ATXN1: variants seen among roughly 807,000 people sequenced by gnomAD.
The protein encoded by ATXN1 is ataxin-1.
Under a neutral mutation model 56.4 loss-of-function variants are expected in ATXN1, and 8 were observed. The observed-to-expected ratio is 0.14, with a 90% CI of 0.08 to 0.26. ATXN1 has a LOEUF of 0.26. Among genes scored for constraint, ATXN1 ranks in the 10% least tolerant of loss-of-function variants. The pLI, the probability that ATXN1 is intolerant of heterozygous loss-of-function variation, is 1.00. For missense variants in ATXN1, 987 were observed against 1,106.5 expected, an observed-to-expected ratio of 0.89 and a Z score of 1.53; for synonymous variants, 514 against 494.6, an observed-to-expected ratio of 1.04 and a Z score of -0.52.
rs145077912 is a variant in ATXN1 at position 16,564,094 on chromosome 6, C to T, written c.-361+21686G>A. ...CCTTTTCAGCTGAATGACCTCCAGG[C>T]TTAGCAGCCTCTCTAAACCTCAGCC... is the stretch of plus-strand genomic sequence containing the variant. On this transcript the variant is annotated intron_variant, in intron 4 of 7. Coordinates refer to ENST00000436367, the MANE Select transcript of ATXN1 (RefSeq NM_001128164.2). Among the ~76,000 whole-genome samples, 145 of 152,296 alleles carry T rather than the reference C, an allele frequency of 9.5e-4. 3 individuals are homozygous for T. In the Middle Eastern group the frequency reaches 0.017, roughly 18 times the overall value.
chr6:16,703,660 T>C (rs182478360), intron 2 of ATXN1, among the ~76,000 whole-genome samples: 1 of 152,348 alleles, frequency 6.6e-6, no homozygotes, highest in East Asian at 1.9e-4. Flanking sequence ...TTTAGGAAAC[T>C]GTGCCTATAA....
chr6:16,685,559 G>A (rs1205453434), intron 2 of ATXN1, among the ~76,000 whole-genome samples: 2 of 152,112 alleles, frequency 1.3e-5, no homozygotes, highest in Non-Finnish European at 2.9e-5. Flanking sequence ...AGTACTCCCT[G>A]CTAGAATCTG....
intron 6 of ATXN1, among the ~76,000 whole-genome samples, chr6:16,452,967 A>G (rs183284299): frequency 5.6e-4 from 85 of 152,352 alleles, no homozygotes; most frequent in Admixed American, 1.1e-3. Flanking sequence ...TCCTTTAAGC[A>G]TTATTAAACT....
intron 4 of ATXN1, among the ~76,000 whole-genome samples, chr6:16,530,856 G>C (rs1236740531): frequency 6.6e-6 from 1 of 152,178 alleles, no homozygotes; most frequent in Non-Finnish European, 1.5e-5. Context: ...GCGTGTGTGT[G>C]TATGTGTAGC....
intron 2 of ATXN1, among the ~76,000 whole-genome samples, chr6:16,722,349 A>C (rs1284335327): frequency 2.0e-5 from 3 of 152,248 alleles, no homozygotes; most frequent in Non-Finnish European, 2.9e-5. Context: ...TTGAGCTTTT[A>C]ATTTTACTGA....
At chr6:16,364,250 G>A (rs1484618221) in intron 6 of ATXN1, among the ~76,000 whole-genome samples, 1 of 152,048 alleles carries the variant, frequency 6.6e-6, no homozygotes, top group African/African-American at 2.4e-5. Context: ...AAACTGAATT[G>A]CCTGAATTTG....
intron 4 of ATXN1, among the ~76,000 whole-genome samples, chr6:16,544,094 T>C (rs1269696142): frequency 6.6e-6 from 1 of 152,132 alleles, no homozygotes; most frequent in Non-Finnish European, 1.5e-5. Context: ...TGCACCTCAG[T>C]TTCCTAATCA....
At chr6:16,311,376 C>T (rs1760386008) in intron 7 of ATXN1, among the ~76,000 whole-genome samples, 1 of 152,182 alleles carries the variant, frequency 6.6e-6, no homozygotes, top group African/African-American at 2.4e-5. Context: ...TGAGCAAAGA[C>T]ATTACAATGC....
intron 3 of ATXN1, among the ~76,000 whole-genome samples, chr6:16,613,875 A>C: frequency 6.6e-6 from 1 of 152,172 alleles, no homozygotes; most frequent in Admixed American, 6.5e-5. Context: ...TTCTAGAAAC[A>C]TTAAAATGCT....
chr6:16,632,163 T>C (rs1278321784), intron 3 of ATXN1, among the ~76,000 whole-genome samples: 1 of 152,120 alleles, frequency 6.6e-6, no homozygotes, highest in Non-Finnish European at 1.5e-5. Context: ...CAACCTCCTT[T>C]CCCTATTCAC....
At chr6:16,417,228 T>C (rs1408453355) in intron 6 of ATXN1, among the ~76,000 whole-genome samples, 1 of 152,114 alleles carries the variant, frequency 6.6e-6, no homozygotes, top group Admixed American at 6.5e-5. Context: ...TGAGACAGGG[T>C]CTCACTATGT....
chr6:16,516,950 C>A (rs965083608), intron 5 of ATXN1, among the ~76,000 whole-genome samples: 4 of 152,216 alleles, frequency 2.6e-5, no homozygotes, highest in African/African-American at 9.6e-5. Flanking sequence ...TAGTTGTGAG[C>A]CTCGCAAGCA....
chr6:16,586,344 T>C (rs72825533), intron 3 of ATXN1, among the ~76,000 whole-genome samples: 3,751 of 152,350 alleles, frequency 0.025, 71 homozygotes, highest in Non-Finnish European at 0.035. Context: ...AGCCACAAAA[T>C]TATGCAAATT....
At chr6:16,758,505 G>A (rs1760955939) in intron 1 of ATXN1, among the ~76,000 whole-genome samples, 1 of 152,232 alleles carries the variant, frequency 6.6e-6, no homozygotes, top group South Asian at 2.1e-4. Context: ...TAAAAGTTGA[G>A]TAGCTAGAAG....
At chr6:16,588,806 G>A (rs1045029078) in intron 3 of ATXN1, among the ~76,000 whole-genome samples, 2 of 151,994 alleles carry the variant, frequency 1.3e-5, no homozygotes, top group South Asian at 2.1e-4. Flanking sequence ...GAGGAAGGGA[G>A]GGAGGAAGGT....
At chr6:16,596,188 G>T (rs913105376) in intron 3 of ATXN1, among the ~76,000 whole-genome samples, 1 of 151,944 alleles carries the variant, frequency 6.6e-6, no homozygotes, top group South Asian at 2.1e-4. Flanking sequence ...TTGTAAAGAC[G>T]AGGTCTCTAT....
rs144518091 is a variant in ATXN1 at position 16,479,596 on chromosome 6, T to G, written c.-161+6376A>C. ...TTAGTCCTAAGGAGTAATTTATGTG[T>G]TGTTAAGAACCAATAGATTTTGTTT... On this transcript the variant is annotated intron_variant, in intron 6 of 7. Coordinates refer to ENST00000436367, the MANE Select transcript of ATXN1 (RefSeq NM_001128164.2). Among the ~76,000 whole-genome samples, 626 of 152,378 alleles carry G rather than the reference T, an allele frequency of 4.1e-3. 3 individuals are homozygous for G. Among genetic ancestry groups the G allele is most frequent in the Admixed American group, 8.8e-3 (134 of 15,312 alleles).
At chr6:16,468,568 G>C (rs1364205649) in intron 6 of ATXN1, among the ~76,000 whole-genome samples, 1 of 152,172 alleles carries the variant, frequency 6.6e-6, no homozygotes, top group Non-Finnish European at 1.5e-5. Context: ...GCCACTGTGG[G>C]ATGAATGAAC....
intron 2 of ATXN1, among the ~76,000 whole-genome samples, chr6:16,687,090 G>A (rs761185374): frequency 6.6e-6 from 1 of 152,164 alleles, no homozygotes; most frequent in Non-Finnish European, 1.5e-5. Flanking sequence ...CAAGCCATTG[G>A]CATGTAATTA....
Sources: allele counts gnomAD v4.1 joint callset (sites outside exome capture counted in the v4.1 genomes callset), GRCh38; gene constraint gnomAD v4.1.1; transcripts MANE v1.5; gene names NCBI Gene and HGNC (gene_info 2026-07-23, HGNC 2026-07-21).